Variants in GFRA2 observed in about 807,000 individuals in gnomAD.
GFRA2 encodes the protein GDNF family receptor alpha-2.
Under a neutral mutation model 48.3 loss-of-function variants are expected in GFRA2, and 17 were observed. That is an observed-to-expected ratio of 0.35 (90% CI 0.24 to 0.53). The LOEUF (loss-of-function observed/expected upper bound fraction) is 0.53. Ranked by LOEUF, GFRA2 falls within the 20% of genes least tolerant of loss-of-function variation. The pLI is 0.93. For missense variants in GFRA2, 660 were observed against 637.3 expected (o/e 1.04, Z -0.38); for synonymous variants, 305 against 257.2 (o/e 1.19, Z -1.78).
At chr8:21,801,517 A>G (rs1012139595) in intron 2 of GFRA2, among the ~76,000 whole-genome samples, 27 of 152,158 alleles carry the variant, frequency 1.8e-4, no homozygotes, top group African/African-American at 6.5e-4. Flanking sequence ...CAGGAAGAGA[A>G]CCCAGCAGGT....
chr8:21,759,191 G>T (rs891177857), intron 3 of GFRA2, among the ~76,000 whole-genome samples: 1 of 152,014 alleles, frequency 6.6e-6, no homozygotes, highest in African/African-American at 2.4e-5. Context: ...AGGAGTTACA[G>T]CCTGGCCAAC....
At chr8:21,725,820 A>C (rs1254614530) in intron 4 of GFRA2, among the ~76,000 whole-genome samples, 5 of 152,196 alleles carry the variant, frequency 3.3e-5, no homozygotes, top group African/African-American at 1.2e-4. Flanking sequence ...AGAGGCATGC[A>C]CATGTTGGGG....
intron 4 of GFRA2, among the ~76,000 whole-genome samples, chr8:21,719,506 T>C (rs1463494416): frequency 2.6e-5 from 4 of 152,220 alleles, no homozygotes; most frequent in African/African-American, 7.2e-5. Context: ...TTCTATTTCA[T>C]TGAACTGCTA....
intron 1 of GFRA2, 47 bp downstream of exon 1, chr8:21,788,073 C>G: frequency 8.6e-7 from 1 of 1,156,280 alleles, no homozygotes; most frequent in Non-Finnish European, 1.3e-6. Context: ...CCCCCGCCTC[C>G]CCGGCTTCTC....
At chr8:21,741,111 ATGCACTGCT>A (rs1371108898) in intron 4 of GFRA2, among the ~76,000 whole-genome samples, 14 of 152,122 alleles carry the variant, frequency 9.2e-5, no homozygotes, top group Non-Finnish European at 2.1e-4. Flanking sequence ...GTTTTTCACA[ATGCACTGCT>A]TGGCTTCAGA....
chr8:21,732,656 G>A (rs1804254587), intron 4 of GFRA2, among the ~76,000 whole-genome samples: 1 of 152,210 alleles, frequency 6.6e-6, no homozygotes, highest in Non-Finnish European at 1.5e-5. Context: ...GGTCCTGCAG[G>A]CCACAGACAG....
At chr8:21,699,894 C>T (rs923064454) in intron 7 of GFRA2, among the ~76,000 whole-genome samples, 2 of 152,308 alleles carry the variant, frequency 1.3e-5, no homozygotes, top group East Asian at 1.9e-4. Context: ...CGCAGGGTGA[C>T]GCAGGAGGGT....
chr8:21,791,583 T>C (rs1287332016), upstream of GFRA2, among the ~76,000 whole-genome samples: 2 of 152,216 alleles, frequency 1.3e-5, no homozygotes, highest in East Asian at 3.9e-4. Context: ...GGAAACACAG[T>C]TGAACATGTA....
At position 21,712,789 on chromosome 8, in the gene GFRA2, G is replaced by A. The variant is rs868518975; in HGVS notation, c.795-6748C>T. On this transcript the variant is annotated intron_variant, in intron 4 of 8. Coordinates refer to ENST00000524240, the MANE Select transcript of GFRA2 (RefSeq NM_001495.5). ...GGAGGCCGAGGCTGGCGGATCACTCGCGGTTAGGAGCTGGAGACCAGCCCG... is the reference window on the plus strand; with the variant it reads ...GGAGGCCGAGGCTGGCGGATCACTCACGGTTAGGAGCTGGAGACCAGCCCG... Among the ~76,000 whole-genome samples, 682 of 152,314 alleles carry A rather than the reference G, an allele frequency of 4.5e-3. 5 individuals carry two copies. The highest frequency in any genetic ancestry group is 0.016 in the African/African-American group (654 of 41,566).
At chr8:21,793,327 G>T (rs1807610885), upstream of GFRA2, among the ~76,000 whole-genome samples, 5 of 152,140 alleles carry the variant, frequency 3.3e-5, no homozygotes, top group African/African-American at 1.2e-4. Flanking sequence ...GGAGGTGATT[G>T]TAACAGTCCC....
chr8:21,784,690 G>A (rs950237306), intron 1 of GFRA2, among the ~76,000 whole-genome samples: 3 of 152,212 alleles, frequency 2.0e-5, no homozygotes. Context: ...TCGGGGCCCA[G>A]AGCAAAAGAC....
In GFRA2 at chr8:21,702,974, T is replaced by A. The variant is rs575460539; in HGVS notation, c.1049A>T (p.Asn350Ile). 2 of 1,514,470 alleles carry A rather than the reference T, an allele frequency of 1.3e-6. No homozygotes were observed. Among genetic ancestry groups the A allele is most frequent in the East Asian group, 4.8e-5 (2 of 41,512 alleles). The allele number at this position is 1,514,470 out of a possible 1,614,324, so 93.8% of individuals were successfully genotyped here. The change falls in exon 7 of 9, where the codon AAC becomes ATC. Residue 350 changes from asparagine to isoleucine, a missense_variant. Asn to Ile is a moderately radical substitution (Grantham distance 149). Transcript: ENST00000524240. ...RDFTENPCLR[N>I]AIQAFGNGTD... is the part of the protein sequence containing the mutation. The stretch of plus-strand genomic sequence containing the variant: ...GCCGTTGCCAAAGGCCTGGATGGCG[T>A]TCCCTGGGATGGGGGTGAGGGCAGA...
rs534949098 is a variant in GFRA2 at position 21,701,854 on chromosome 8, G to T, written c.1218+951C>A. ...GGGCCTCAGAATCATCAGAGCTGAT[G>T]GTGAAGGGGGCTGGGTGGGGTTCCC... On this transcript the variant is annotated intron_variant, in intron 7 of 8. Transcript: ENST00000524240. Among the ~76,000 whole-genome samples the T allele has an allele frequency of 1.1e-3, 167 of 152,300 alleles. 1 individual carries two copies. Among genetic ancestry groups the T allele is most frequent in the African/African-American group, 3.7e-3 (155 of 41,572 alleles).
chr8:21,779,136 G>C (rs1806851090), intron 2 of GFRA2, among the ~76,000 whole-genome samples: 1 of 152,086 alleles, frequency 6.6e-6, no homozygotes, highest in Admixed American at 6.5e-5. Flanking sequence ...GGAGGTAGAG[G>C]CTGCAGTGAG....
At chr8:21,784,022 C>G (rs1807146746) in intron 1 of GFRA2, among the ~76,000 whole-genome samples, 1 of 152,194 alleles carries the variant, frequency 6.6e-6, no homozygotes, top group South Asian at 2.1e-4. Context: ...GGGAAAAGCT[C>G]CCCTCCTCGG....
chr8:21,729,421 G>A (rs928598751), intron 4 of GFRA2, among the ~76,000 whole-genome samples: 5 of 152,134 alleles, frequency 3.3e-5, no homozygotes, highest in African/African-American at 4.8e-5. Context: ...CAGGCCCACA[G>A]GGAGTGGCTG....
chr8:21,759,494 G>A (rs1207898370), intron 3 of GFRA2, among the ~76,000 whole-genome samples: 1 of 119,420 alleles, frequency 8.4e-6, no homozygotes, highest in East Asian at 2.5e-4. Flanking sequence ...AAGAAGGAAG[G>A]AAGGAAGGAA....
chr8:21,777,812 A>T (rs1324249326), intron 2 of GFRA2, among the ~76,000 whole-genome samples: 1 of 152,124 alleles, frequency 6.6e-6, no homozygotes, highest in Non-Finnish European at 1.5e-5. Context: ...TCCTGCCACG[A>T]GCTTGCTGTG....
At chr8:21,705,366 A>C (rs941927501) in intron 5 of GFRA2, among the ~76,000 whole-genome samples, 1 of 152,184 alleles carries the variant, frequency 6.6e-6, no homozygotes, top group African/African-American at 2.4e-5. Context: ...GCCACCAGGA[A>C]GGCAGAGAAG....
Sources: gnomAD v4.1 joint callset for allele counts (sites outside exome capture counted in the v4.1 genomes callset) on GRCh38, gnomAD v4.1.1 for gene constraint, MANE v1.5 for transcripts, NCBI Gene and HGNC (gene_info 2026-07-23, HGNC 2026-07-21) for gene names.